Variants in KYNU observed in about 807,000 individuals in gnomAD.
KYNU encodes the protein L-kynurenine hydrolase.
Under a neutral mutation model 59.2 loss-of-function variants are expected in KYNU, and 54 were observed. The ratio of observed to expected loss-of-function variants is 0.91; its 90% CI spans 0.73 to 1.14. KYNU has a LOEUF of 1.14. KYNU is among the 50% of genes most tolerant of loss of function. The pLI, the probability that KYNU is intolerant of heterozygous loss-of-function variation, is 0.00. For synonymous variants in KYNU, 177 were observed against 192.0 expected, an observed-to-expected ratio of 0.92 and a Z score of 0.65; for missense variants, 567 against 554.4, an observed-to-expected ratio of 1.02 and a Z score of -0.23.
At chr2:142,952,117 C>G (rs1030591166) in intron 4 of KYNU, among the ~76,000 whole-genome samples, 1 of 152,188 alleles carries the variant, frequency 6.6e-6, no homozygotes, top group Non-Finnish European at 1.5e-5. Context: ...GAATCTCCCT[C>G]TGTCACCCTG....
intron 10 of KYNU, among the ~76,000 whole-genome samples, chr2:143,007,361 C>T (rs202218623): frequency 1.2e-4 from 18 of 146,048 alleles, no homozygotes; most frequent in Non-Finnish European, 2.1e-4. Context: ...TAGAGAAAAA[C>T]GAATAAAAAG....
chr2:142,968,080 G>A (rs1049327789), intron 8 of KYNU, among the ~76,000 whole-genome samples: 8 of 152,056 alleles, frequency 5.3e-5, no homozygotes, highest in Non-Finnish European at 7.4e-5. Context: ...GCCATTCACC[G>A]AATAGGATCT....
intron 2 of KYNU, among the ~76,000 whole-genome samples, chr2:142,907,099 AGAATCCCCATAC>A (rs1390352844): frequency 6.6e-6 from 1 of 152,198 alleles, no homozygotes; most frequent in East Asian, 1.9e-4. Context: ...ACTGCTTTGG[AGAATCCCCATAC>A]GAGGCCACCA....
At position 143,033,002 on chromosome 2, in the gene KYNU, G is replaced by T. The variant is rs186611579; in HGVS notation, c.956-234G>T. Reference sequence around the variant, plus strand: ...CCAGAAGAGGTCATTTTTACCTTGGGTCTAAGATTTCTGGTGTTCTGCTAA... The same window carrying T: ...CCAGAAGAGGTCATTTTTACCTTGGTTCTAAGATTTCTGGTGTTCTGCTAA... On this transcript the variant is annotated intron_variant, in intron 11 of 13. Transcript: ENST00000264170. Among the ~76,000 whole-genome samples the T allele has an allele frequency of 6.1e-4, 93 of 152,244 alleles. 1 individual carries two copies. The highest frequency in any genetic ancestry group is 5.6e-3 in the Admixed American group (86 of 15,274).
intron 10 of KYNU, among the ~76,000 whole-genome samples, chr2:143,013,294 T>TTCTCTC (rs773447110): frequency 2.3e-5 from 3 of 133,236 alleles, no homozygotes; most frequent in Non-Finnish European, 3.2e-5. Flanking sequence ...CTCTGTCTCT[T>TTCTCTC]TCTCTGTGTG....
chr2:143,013,983 C>T (rs1251908952), intron 10 of KYNU, among the ~76,000 whole-genome samples: 1 of 152,248 alleles, frequency 6.6e-6, no homozygotes, highest in Non-Finnish European at 1.5e-5. Flanking sequence ...TGGGGTCTGT[C>T]AGTCACTTCT....
At chr2:142,933,278 T>C (rs1683286981) in intron 4 of KYNU, among the ~76,000 whole-genome samples, 2 of 152,070 alleles carry the variant, frequency 1.3e-5, no homozygotes, top group South Asian at 4.1e-4. Context: ...AACTCTATGC[T>C]GTTGGTCAGT....
At chr2:143,013,369 C>T (rs78783061) in intron 10 of KYNU, among the ~76,000 whole-genome samples, 13,434 of 151,430 alleles carry the variant, frequency 0.089, 810 homozygotes, top group African/African-American at 0.16. Context: ...TTAGGTTGAT[C>T]CCAAATCTTC....
chr2:143,024,531 T>C lies in KYNU; in HGVS notation c.903-5096T>C, dbSNP rs1042585268. Among the ~76,000 whole-genome samples the C allele has an allele frequency of 2.1e-5, 3 of 145,068 alleles. No homozygotes were observed. The South Asian group carries it at 6.2e-4, about 30-fold the overall frequency. ...TCAAACATAGCATTCATGTATCATG[T>C]TTTTTTTTCTCTGAGTATTGTACAG... is the stretch of plus-strand genomic sequence containing the variant. On this transcript the variant is annotated intron_variant, in intron 10 of 13. Transcript: ENST00000264170.
At chr2:142,975,223 G>A (rs1281687992) in intron 8 of KYNU, among the ~76,000 whole-genome samples, 2 of 152,122 alleles carry the variant, frequency 1.3e-5, no homozygotes, top group Non-Finnish European at 2.9e-5. Context: ...GAGCAGAGTG[G>A]CATGGCAGAA....
At chr2:142,971,468 A>G (rs972994821) in intron 8 of KYNU, 1 of 152,112 alleles carries the variant, frequency 6.6e-6, no homozygotes, top group African/African-American at 2.4e-5. Context: ...ACATTTTCTC[A>G]CTTTTCTGTA....
intron 10 of KYNU, among the ~76,000 whole-genome samples, chr2:142,995,860 T>C (rs1361601385): frequency 6.6e-6 from 1 of 152,152 alleles, no homozygotes; most frequent in Non-Finnish European, 1.5e-5. Flanking sequence ...TTTTGTTTTG[T>C]GTTGTTTTGC....
intron 7 of KYNU, among the ~76,000 whole-genome samples, chr2:142,958,476 T>C (rs1684239352): frequency 6.6e-6 from 1 of 152,188 alleles, no homozygotes; most frequent in Admixed American, 6.5e-5. Flanking sequence ...CATAAGATGC[T>C]CCCAGACCGC....
chr2:142,985,586 C>T (rs1404077411), intron 9 of KYNU, among the ~76,000 whole-genome samples: 1 of 151,596 alleles, frequency 6.6e-6, no homozygotes, highest in Non-Finnish European at 1.5e-5. Flanking sequence ...GAAAATAAAA[C>T]CAATTACAAT....
At chr2:143,030,781 A>G (rs1686717162) in intron 11 of KYNU, among the ~76,000 whole-genome samples, 1 of 96,088 alleles carries the variant, frequency 1.0e-5, no homozygotes, top group African/African-American at 3.1e-5. Flanking sequence ...TAAGCCCATC[A>G]TAAGCTGAAA....
chr2:142,919,632 C>T (rs982396483), intron 3 of KYNU, among the ~76,000 whole-genome samples: 9 of 152,176 alleles, frequency 5.9e-5, no homozygotes, highest in Admixed American at 3.3e-4. Flanking sequence ...GGAACAATAT[C>T]CATTCTTTAA....
intron 2 of KYNU, among the ~76,000 whole-genome samples, chr2:142,891,432 A>T (rs1434370458): frequency 6.6e-6 from 1 of 152,146 alleles, no homozygotes; most frequent in Non-Finnish European, 1.5e-5. Context: ...TAGTCAAATA[A>T]CCCTCTCCTT....
At chr2:142,998,787 T>A (rs34905937) in intron 10 of KYNU, among the ~76,000 whole-genome samples, 18,688 of 151,782 alleles carry the variant, frequency 0.12, 1,312 homozygotes, top group East Asian at 0.25. Context: ...GGAGGGCAGA[T>A]CACAAGGTCA....
chr2:142,938,241 A>C (rs755197440), intron 4 of KYNU, among the ~76,000 whole-genome samples: 2 of 152,216 alleles, frequency 1.3e-5, no homozygotes, highest in Non-Finnish European at 2.9e-5. Flanking sequence ...AGCTCACTCC[A>C]AAACAGTATC....
Sources: gnomAD v4.1 joint callset for allele counts (sites outside exome capture counted in the v4.1 genomes callset) on GRCh38, gnomAD v4.1.1 for gene constraint, MANE v1.5 for transcripts, NCBI Gene and HGNC (gene_info 2026-07-23, HGNC 2026-07-21) for gene names.